RYR2: variants seen among roughly 807,000 people sequenced by gnomAD.
The protein encoded by RYR2 is ryanodine receptor 2, also known as cardiac muscle ryanodine receptor-calcium release channel.
Under a neutral mutation model 601.1 loss-of-function variants are expected in RYR2, and 227 were observed. That is an observed-to-expected ratio of 0.38 (90% confidence interval 0.34 to 0.42). The LOEUF is 0.42. Among genes scored for constraint, RYR2 ranks in the 10% least tolerant of loss-of-function variants. The probability of loss-of-function intolerance (pLI) is 1.00; values close to 1 mark genes in which losing one functional copy is unlikely to be tolerated. For missense variants in RYR2, 4,646 were observed against 6,156.5 expected, an observed-to-expected ratio of 0.75 and a Z score of 8.21; for synonymous variants, 2,223 against 2,175.1, an observed-to-expected ratio of 1.02 and a Z score of -0.61.
rs559802502 is a variant in RYR2 at position 237,236,986 on chromosome 1, A to G, written c.49-33511A>G. Among the ~76,000 whole-genome samples, 5 of 152,304 alleles carry G rather than the reference A, an allele frequency of 3.3e-5. No homozygotes were observed. In the South Asian group the frequency reaches 6.2e-4, roughly 19 times the overall value. ...CCCATATGTCAAGGGAGGGACTGGT[A>G]GGTGGATTCTCCCATGCTGTTATAA... On this transcript the variant is annotated intron_variant, in intron 1 of 104. Coordinates refer to ENST00000366574, the MANE Select transcript of RYR2 (RefSeq NM_001035.3).
In RYR2 at chr1:237,445,478, C is replaced by G. The variant is rs762860019; in HGVS notation, c.1248C>G (p.Ala416=). ...CCCAGCATGAAGAATCACGCACAGC[C>G]CGAGTTATCCGGAGCACAGTCTTCC... ...SRSQHEESRT[A]RVIRSTVFLF... Residue 416 remains alanine (A), a synonymous_variant, in exon 14 of 105, where the codon GCC becomes GCG. Coordinates refer to ENST00000366574, the MANE Select transcript of RYR2 (RefSeq NM_001035.3). 1 of 1,613,698 alleles carries G rather than the reference C, an allele frequency of 6.2e-7. No homozygotes were observed. The highest frequency in any genetic ancestry group is 1.1e-5 in the South Asian group (1 of 91,078).
At chr1:237,473,474 T>TTTCTTTCTTTCTTTCTTTCTTTC (rs1553464743) in intron 17 of RYR2, among the ~76,000 whole-genome samples, 5 of 150,520 alleles carry the variant, frequency 3.3e-5, no homozygotes, top group Admixed American at 6.7e-5. Flanking sequence ...TCTATCTATC[T>TTTCTTTCTTTCTTTCTTTCTTTC]ATCTGGCATA....
intron 5 of RYR2, among the ~76,000 whole-genome samples, chr1:237,366,555 C>A (rs1700209724): frequency 6.6e-6 from 1 of 152,042 alleles, no homozygotes; most frequent in African/African-American, 2.4e-5. Flanking sequence ...GCATGAGGCA[C>A]TTTGCCTTGC....
At chr1:237,276,320 G>T (rs1690286039) in intron 2 of RYR2, among the ~76,000 whole-genome samples, 1 of 152,072 alleles carries the variant, frequency 6.6e-6, no homozygotes, top group African/African-American at 2.4e-5. Context: ...GGCTGGTCTA[G>T]AACGCCTGAC....
intron 96 of RYR2, among the ~76,000 whole-genome samples, chr1:237,795,818 G>C (rs1360364315): frequency 1.5e-5 from 2 of 129,960 alleles, no homozygotes; most frequent in Admixed American, 7.9e-5. Flanking sequence ...GTATATACAG[G>C]TATGTATGTG....
chr1:237,667,834 A>G, intron 57 of RYR2, 49 bp from the exon 58 acceptor site: 2 of 1,364,020 alleles, frequency 1.5e-6, no homozygotes, highest in South Asian at 2.6e-5. Context: ...AGAAAGCAAT[A>G]TTATCCTTTT....
rs1284901839 is a variant in RYR2 at position 237,643,316 on chromosome 1, C to A, written c.7222-11C>A. ...CAAAGTTGTTCTAATGTTTTTTTTT[C>A]CCCTGTATAGTTGATTCATGCCGGG... On this transcript the variant is annotated splice_polypyrimidine_tract_variant and intron_variant, in intron 47 of 104. Transcript: ENST00000366574. 2 of 1,595,174 alleles carry A rather than the reference C, an allele frequency of 1.3e-6. No homozygotes were observed. Among genetic ancestry groups the A allele is most frequent in the East Asian group, 4.5e-5 (2 of 44,444 alleles).
At position 237,357,060 on chromosome 1, in the gene RYR2, A is replaced by T. The variant is rs956974494; in HGVS notation, c.294+1075A>T. ...TTCATGTTCTCTTGTCTTTTTTTTT[A>T]AATTTTTTTTAGCCCTTTAAAGACA... is the stretch of plus-strand genomic sequence containing the variant. On this transcript the variant is annotated intron_variant, in intron 4 of 104. Coordinates refer to ENST00000366574, the MANE Select transcript of RYR2 (RefSeq NM_001035.3). 3.4e-4 allele frequency among the ~76,000 whole-genome samples: 51 copies of T among 150,332 alleles called. 1 individual carries two copies. In the East Asian group the frequency reaches 3.5e-3, roughly 10 times the overall value.
chr1:237,542,911 C>T (rs537725997), intron 25 of RYR2, among the ~76,000 whole-genome samples: 1 of 152,250 alleles, frequency 6.6e-6, no homozygotes, highest in African/African-American at 2.4e-5. Context: ...CTGGTCCTCA[C>T]TTGGGCAGAA....
At position 237,651,766 on chromosome 1, in the gene RYR2, G is replaced by A. The variant is rs148453307; in HGVS notation, c.7824+265G>A. ...AAAAAAAGGACCACAGGCCGGGCGCGGTGGCTCACGCCTGTAATCCCAGCA... is the reference window on the plus strand; with the variant it reads ...AAAAAAAGGACCACAGGCCGGGCGCAGTGGCTCACGCCTGTAATCCCAGCA... On this transcript the variant is annotated intron_variant, in intron 51 of 104. Transcript: ENST00000366574. Among the ~76,000 whole-genome samples the A allele has an allele frequency of 3.0e-3, 455 of 151,798 alleles. 6 individuals are homozygous for A. The highest frequency in any genetic ancestry group is 0.026 in the Admixed American group (395 of 15,234).
chr1:237,803,646 A>G (rs1660272485), intron 98 of RYR2, among the ~76,000 whole-genome samples: 1 of 152,134 alleles, frequency 6.6e-6, no homozygotes, highest in African/African-American at 2.4e-5. Context: ...TGAATGTCCC[A>G]TGGCAAATTT....
intron 1 of RYR2, among the ~76,000 whole-genome samples, chr1:237,043,304 C>T (rs1660156510): frequency 6.6e-6 from 1 of 152,062 alleles, no homozygotes; most frequent in South Asian, 2.1e-4. Flanking sequence ...CGTGTGTGCG[C>T]GCGCGCGGGT....
chr1:237,164,200 T>G (rs1676367588), intron 1 of RYR2, among the ~76,000 whole-genome samples: 1 of 152,140 alleles, frequency 6.6e-6, no homozygotes, highest in Admixed American at 6.5e-5. Flanking sequence ...GGCGAGAGAA[T>G]CGCTTGAAAC....
intron 2 of RYR2, among the ~76,000 whole-genome samples, chr1:237,281,120 A>G (rs1418304990): frequency 3.3e-5 from 5 of 152,158 alleles, no homozygotes; most frequent in Admixed American, 6.5e-5. Context: ...TTATGCTGGT[A>G]TCCAGTTAAG....
chr1:237,452,336 A>G (rs899143943), intron 14 of RYR2, among the ~76,000 whole-genome samples: 14 of 146,250 alleles, frequency 9.6e-5, no homozygotes, highest in Non-Finnish European at 1.9e-4. Context: ...TATACTACAT[A>G]ATAGTATAAT....
rs184949269 is a variant in RYR2 at position 237,216,205 on chromosome 1, T to A, written c.49-54292T>A. Among the ~76,000 whole-genome samples the A allele has an allele frequency of 1.6e-3, 244 of 152,332 alleles. 1 individual carries two copies. The highest frequency in any genetic ancestry group is 2.7e-3 in the Non-Finnish European group (187 of 68,022). ...AATTTTTGAAGAATTTTCAGGTTCA[T>A]AGATGAAAGTTTAGGTTCAATATTA... On this transcript the variant is annotated intron_variant, in intron 1 of 104. Transcript: ENST00000366574.
At chr1:237,241,096 G>C (rs1039756155) in intron 1 of RYR2, among the ~76,000 whole-genome samples, 1 of 152,168 alleles carries the variant, frequency 6.6e-6, no homozygotes, top group African/African-American at 2.4e-5. Context: ...AGAAATGCAG[G>C]CTGCTAAGCA....
intron 17 of RYR2, among the ~76,000 whole-genome samples, chr1:237,471,398 A>G (rs1660708148): frequency 6.6e-6 from 1 of 152,204 alleles, no homozygotes; most frequent in Non-Finnish European, 1.5e-5. Flanking sequence ...TGCCTAAATA[A>G]TTTCTCCTTA....
At chr1:237,375,845 C>T (rs866252781) in intron 7 of RYR2, among the ~76,000 whole-genome samples, 20 of 152,220 alleles carry the variant, frequency 1.3e-4, no homozygotes, top group Admixed American at 2.6e-4. Flanking sequence ...AAGTAAAAGA[C>T]GCAGTCTAGA....
Sources: allele counts gnomAD v4.1 joint callset (sites outside exome capture counted in the v4.1 genomes callset), GRCh38; gene constraint gnomAD v4.1.1; transcripts MANE v1.5; gene names NCBI Gene and HGNC (gene_info 2026-07-23, HGNC 2026-07-21).